ABCC11: variants seen among roughly 807,000 people sequenced by gnomAD.
ABCC11 encodes the protein ATP-binding cassette sub-family C member 11.
ABCC11 carries 135 observed loss-of-function variants against 149.3 expected under a neutral mutation model. The ratio of observed to expected loss-of-function variants is 0.90; its 90% confidence interval spans 0.79 to 1.04. The LOEUF (loss-of-function observed/expected upper bound fraction) is 1.04, where lower values mean the gene tolerates loss of function less well. ABCC11 is among the 50% of genes least tolerant of loss of function. ABCC11 has a pLI of 0.00. For synonymous variants in ABCC11, 665 were observed against 671.4 expected, an observed-to-expected ratio of 0.99 and a Z score of 0.15; for missense variants, 1,680 against 1,722.1, an observed-to-expected ratio of 0.98 and a Z score of 0.43.
At chr16:48,195,481 C>T (rs1967317394) in intron 18 of ABCC11, among the ~76,000 whole-genome samples, 1 of 152,196 alleles carries the variant, frequency 6.6e-6, no homozygotes, top group African/African-American at 2.4e-5. Context: ...AGACATCTTA[C>T]ACAAGGGTCA....
chr16:48,210,404 T>C (rs547990863), intron 11 of ABCC11: 1 of 152,654 alleles, frequency 6.6e-6, no homozygotes, highest in South Asian at 2.1e-4. Context: ...ATCTATTTTT[T>C]AGACATTTAT....
At chr16:48,244,993 C>T (rs952105234) in intron 1 of ABCC11, among the ~76,000 whole-genome samples, 67 of 152,244 alleles carry the variant, frequency 4.4e-4, no homozygotes, top group Admixed American at 1.4e-3. Context: ...CCTTCACTTG[C>T]CTTCGCTTTT....
intron 12 of ABCC11, among the ~76,000 whole-genome samples, chr16:48,206,976 C>T (rs1436276971): frequency 6.6e-6 from 1 of 152,058 alleles, no homozygotes; most frequent in Non-Finnish European, 1.5e-5. Context: ...TTCTTCTTTG[C>T]AGTTGCAAAG....
rs202065564 is a variant in ABCC11 at position 48,205,518 on chromosome 16, G to A, written c.1700C>T (p.Ser567Leu). The A allele has an allele frequency of 4.2e-4, 676 of 1,613,892 alleles. 2 individuals are homozygous for A. In the South Asian group the frequency reaches 4.9e-3, roughly 12 times the overall value. ...ILEEMHLLEG[S>L]VGVQGSLAYV... ...GGCCAGGCTTCCCTGCACCCCCACC[G>A]AGCCCTCGAGCAAGTGCATCTGCGG... Residue 567 changes from serine to leucine, a missense_variant, in exon 13 of 30, where the codon TCG becomes TTG. Physicochemically the swap from Ser to Leu is moderately radical, Grantham distance 145. Coordinates refer to ENST00000356608, the MANE Select transcript of ABCC11 (RefSeq NM_001370497.1).
chr16:48,231,683 G>A (rs956001225), intron 2 of ABCC11, 140 bp downstream of exon 2: 130 of 1,225,974 alleles, frequency 1.1e-4, no homozygotes, highest in Non-Finnish European at 1.3e-4. Context: ...AAAAGAGAGA[G>A]AGAGAGAGCA....
chr16:48,191,497 G>A (rs1344416256), intron 20 of ABCC11, among the ~76,000 whole-genome samples: 3 of 152,208 alleles, frequency 2.0e-5, no homozygotes, highest in African/African-American at 7.2e-5. Flanking sequence ...TCACACCACT[G>A]CACTCCAGCC....
In ABCC11 at chr16:48,166,366, G is replaced by A. The variant is rs986055160; in HGVS notation, c.*908C>T. Among the ~76,000 whole-genome samples, 23 of 152,316 alleles carry A rather than the reference G, an allele frequency of 1.5e-4. No homozygotes were observed. The highest frequency in any genetic ancestry group is 5.3e-4 in the African/African-American group (22 of 41,576). ...CAGGCAACCATATTGCCACCATGAGGCAAGAGGAAGTTAGAAAGTGAAGCC... is the reference window on the plus strand; with the variant it reads ...CAGGCAACCATATTGCCACCATGAGACAAGAGGAAGTTAGAAAGTGAAGCC... On this transcript the variant is annotated 3_prime_UTR_variant, in exon 30 of 30. Coordinates refer to ENST00000356608, the MANE Select transcript of ABCC11 (RefSeq NM_001370497.1).
At chr16:48,239,736 C>G (rs1596868714) in intron 1 of ABCC11, among the ~76,000 whole-genome samples, 1 of 152,008 alleles carries the variant, frequency 6.6e-6, no homozygotes, top group Non-Finnish European at 1.5e-5. Flanking sequence ...GCAGAGTGAA[C>G]AGACAACCTA....
intron 12 of ABCC11, among the ~76,000 whole-genome samples, chr16:48,207,530 G>C (rs186415379): frequency 6.6e-5 from 10 of 152,268 alleles, no homozygotes; most frequent in African/African-American, 2.4e-4. Context: ...AGCTGGGCAT[G>C]GTGGCGCATG....
chr16:48,195,582 T>C (rs1015398400), intron 18 of ABCC11, among the ~76,000 whole-genome samples: 4 of 152,238 alleles, frequency 2.6e-5, no homozygotes, highest in Non-Finnish European at 5.9e-5. Flanking sequence ...CAGCACCATA[T>C]ACTGAGTTTT....
At chr16:48,239,954 C>G (rs930142969) in intron 1 of ABCC11, among the ~76,000 whole-genome samples, 4 of 152,092 alleles carry the variant, frequency 2.6e-5, no homozygotes, top group African/African-American at 9.7e-5. Context: ...TAGAGAAATG[C>G]AAATCAAAAC....
intron 20 of ABCC11, among the ~76,000 whole-genome samples, 172 bp from the exon 21 acceptor site, chr16:48,187,599 C>T (rs772106944): frequency 3.9e-5 from 6 of 152,178 alleles, no homozygotes; most frequent in Non-Finnish European, 7.3e-5. Context: ...GGCTACCTGA[C>T]TCCTCCACCT....
chr16:48,227,762 A>G (rs1046839925), intron 4 of ABCC11, 44 bp downstream of exon 4: 3 of 1,604,896 alleles, frequency 1.9e-6, no homozygotes, highest in Non-Finnish European at 2.6e-6. Flanking sequence ...CCACCAAGAG[A>G]TTGTCTTTTA....
rs112566254 is a variant in ABCC11, at chr16:48,190,967, A to G, written c.2706+1553T>C. Among the ~76,000 whole-genome samples, 1,332 of 152,150 alleles carry G rather than the reference A, an allele frequency of 8.8e-3. 25 individuals carry two copies. Among genetic ancestry groups the G allele is most frequent in the African/African-American group, 0.031 (1,274 of 41,564 alleles). ...ACTACATTTTAGAAAAGGCAAAGCTATGAAGAGAGTAAAAAAGATCAGTGG... is the reference window on the plus strand; with the variant it reads ...ACTACATTTTAGAAAAGGCAAAGCTGTGAAGAGAGTAAAAAAGATCAGTGG... On this transcript the variant is annotated intron_variant, in intron 20 of 29. Transcript: ENST00000356608.
At position 48,215,338 on chromosome 16, in the gene ABCC11, T is replaced by G. The variant is rs1184593014; in HGVS notation, c.958A>C (p.Met320Leu). Residue 320 changes from methionine (M) to leucine (L), a missense_variant, in exon 8 of 30, where the codon ATG (methionine) becomes CTG (leucine). Transcript: ENST00000356608. ...YLLVFPLAVFMTRMAVKAQHH... is the reference protein window; with the variant it reads ...YLLVFPLAVFLTRMAVKAQHH... ...TGAGCCTTCACAGCCATTCTTGTCA[T>G]GAATACCTGGAGTCAGGATACAGCA... The G allele has an allele frequency of 3.7e-6, 6 of 1,613,336 alleles. No individual in the cohort carries two copies. The highest frequency in any genetic ancestry group is 4.2e-6 in the Non-Finnish European group (5 of 1,179,514).
intron 6 of ABCC11, among the ~76,000 whole-genome samples, chr16:48,219,115 A>G (rs1466053126): frequency 6.6e-6 from 1 of 151,006 alleles, no homozygotes; most frequent in African/African-American, 2.4e-5. Context: ...ACAAAATCCA[A>G]TGTTTTTTAT....
rs1415078392 is a variant in ABCC11 at position 48,243,835 on chromosome 16, TACA to T, written c.-19+3476_-19+3478del. ...GGTGAAATCCCCTCCCTACTAAAAATACAACAATTAGCTGGGTGTGGTGGCGGG... is the reference window on the plus strand; with the variant it reads ...GGTGAAATCCCCTCCCTACTAAAAATACAATTAGCTGGGTGTGGTGGCGGG... On this transcript the variant is annotated intron_variant, in intron 1 of 29. Coordinates refer to ENST00000356608, the MANE Select transcript of ABCC11 (RefSeq NM_001370497.1). 3.3e-5 allele frequency among the ~76,000 whole-genome samples: 5 copies of T among 151,734 alleles called. No individual in the cohort carries two copies. In the East Asian group the frequency reaches 9.7e-4, roughly 30 times the overall value.
intron 13 of ABCC11, among the ~76,000 whole-genome samples, chr16:48,205,052 G>A (rs936004476): frequency 3.3e-5 from 5 of 152,088 alleles, no homozygotes; most frequent in Non-Finnish European, 2.9e-5. Context: ...AAGATTTAAC[G>A]AATACAAATG....
intron 22 of ABCC11, 22 bp downstream of exon 22, chr16:48,186,931 A>C: frequency 6.2e-7 from 1 of 1,613,506 alleles, no homozygotes; most frequent in Non-Finnish European, 8.5e-7. Flanking sequence ...CATCATTCTC[A>C]AATGGCAGCA....
Sources: allele counts gnomAD v4.1 joint callset (sites outside exome capture counted in the v4.1 genomes callset), GRCh38; gene constraint gnomAD v4.1.1; transcripts MANE v1.5; gene names NCBI Gene and HGNC (gene_info 2026-07-23, HGNC 2026-07-21).